Variants in CEP89 observed in about 807,000 individuals in gnomAD.
CEP89 encodes centrosomal protein of 89 kDa.
CEP89 carries 95 observed loss-of-function variants against 97.6 expected under a neutral mutation model. The observed-to-expected ratio is 0.97, with a 90% confidence interval of 0.82 to 1.15. CEP89 has a LOEUF of 1.15. Among genes scored for constraint, CEP89 ranks in the 50% most tolerant of loss-of-function variants. The pLI, the probability that CEP89 is intolerant of heterozygous loss-of-function variation, is 0.00. For synonymous variants in CEP89, 354 were observed against 349.1 expected (o/e 1.01, Z -0.16); for missense variants, 869 against 947.7 (o/e 0.92, Z 1.09).
chr19:32,954,284 C>T (rs1971000275), intron 3 of CEP89, among the ~76,000 whole-genome samples: 1 of 152,174 alleles, frequency 6.6e-6, no homozygotes, highest in Non-Finnish European at 1.5e-5. Context: ...TCTTTGTACA[C>T]TTGGCATATC....
chr19:32,931,221 A>C (rs1970466018), intron 9 of CEP89: 2 of 545,008 alleles, frequency 3.7e-6, no homozygotes, highest in South Asian at 5.8e-5. Context: ...GTATTGTCCC[A>C]ATGTTTTACA....
chr19:32,933,249 C>A (rs1004231734), intron 8 of CEP89, among the ~76,000 whole-genome samples: 2 of 151,996 alleles, frequency 1.3e-5, no homozygotes, highest in African/African-American at 4.8e-5. Flanking sequence ...AGCTTCTTTC[C>A]AACCTGAGGA....
intron 2 of CEP89, among the ~76,000 whole-genome samples, chr19:32,964,683 C>T (rs10401336): frequency 0.29 from 44,420 of 151,954 alleles, 7,480 homozygotes; most frequent in African/African-American, 0.46. Flanking sequence ...TTTTATGTAA[C>T]TCCACTTATA....
Position 32,899,894 on chromosome 19 carries a change from T to C in CEP89, c.1838A>G (p.Glu613Gly), listed in dbSNP as rs1322216553. The change falls in exon 16 of 19, where the codon GAA becomes GGA. Residue 613 changes from glutamate (E) to glycine (G), a missense_variant. Coordinates refer to ENST00000305768, the MANE Select transcript of CEP89 (RefSeq NM_032816.5). ...QYLANLVGLA[E>G]NITQERDSLM... ...ACTGTCACGTTCCTGGGTTATGTTT[T>C]CTGCCAGGCCAACAAGGTTTGCCAG... is the stretch of plus-strand genomic sequence containing the variant. 5 of 1,613,960 alleles carry C rather than the reference T, an allele frequency of 3.1e-6. No homozygotes were observed. The highest frequency in any genetic ancestry group is 4.2e-6 in the Non-Finnish European group (5 of 1,179,960).
intron 11 of CEP89, among the ~76,000 whole-genome samples, chr19:32,923,923 T>C (rs1480207242): frequency 6.6e-6 from 1 of 151,820 alleles, no homozygotes; most frequent in Non-Finnish European, 1.5e-5. Context: ...GTTTTTAATA[T>C]AAAAAATAAG....
chr19:32,966,380 G>A lies in CEP89; in HGVS notation c.126C>T (p.Asn42=). The A allele has an allele frequency of 6.4e-7, 1 of 1,553,758 alleles. No individual in the cohort carries two copies. The highest frequency in any genetic ancestry group is 8.7e-7 in the Non-Finnish European group (1 of 1,146,316). Residue 42 remains asparagine, a synonymous_variant, in exon 2 of 19, where the codon AAC becomes AAT. Coordinates refer to ENST00000305768, the MANE Select transcript of CEP89 (RefSeq NM_032816.5). The part of the protein sequence containing the change: ...VPRTPPPRSP[N]PSPERPRSAL... Reference sequence around the variant, plus strand: ...CTCACCTTGGTCTCTCTGGAGATGGGTTGGGGCTGCGGGGAGGAGGTGTGC... The same window carrying A: ...CTCACCTTGGTCTCTCTGGAGATGGATTGGGGCTGCGGGGAGGAGGTGTGC...
chr19:32,922,753 C>G (rs1293297276), intron 12 of CEP89, among the ~76,000 whole-genome samples: 1 of 151,608 alleles, frequency 6.6e-6, no homozygotes, highest in Non-Finnish European at 1.5e-5. Flanking sequence ...GAGGCTGAGG[C>G]AGGAGAATCG....
At chr19:32,951,534 T>TATATATATATATATATATATATACACAC (rs1407110112) in intron 4 of CEP89, among the ~76,000 whole-genome samples, 2 of 122,038 alleles carry the variant, frequency 1.6e-5, no homozygotes, top group African/African-American at 3.4e-5. Flanking sequence ...TATATATATA[T>TATATATATATATATATATATATACACAC]ACACACACAC....
intron 18 of CEP89, 56 bp from the exon 19 acceptor site, chr19:32,879,434 G>T: frequency 1.4e-6 from 2 of 1,396,030 alleles, no homozygotes; most frequent in Admixed American, 1.7e-5. Context: ...GAGCCCATAT[G>T]AATCCCAAAG....
At chr19:32,971,793 G>T in intron 1 of CEP89, 43 bp downstream of exon 1, 1 of 1,556,008 alleles carries the variant, frequency 6.4e-7, no homozygotes, top group Non-Finnish European at 8.7e-7. Context: ...CCTAATTCCC[G>T]GCCCCACAGA....
At chr19:32,939,921 A>G (rs771843158) in intron 5 of CEP89, 36 bp from the exon 6 acceptor site, 90 of 1,016,808 alleles carry the variant, frequency 8.9e-5, no homozygotes, top group Non-Finnish European at 1.1e-4. Context: ...AAACTTTTAA[A>G]GTAGATAATG....
intron 14 of CEP89, among the ~76,000 whole-genome samples, chr19:32,905,561 G>GTTT (rs1969871333): frequency 6.6e-6 from 1 of 151,770 alleles, no homozygotes; most frequent in Admixed American, 6.6e-5. Context: ...TCTTGAGTCA[G>GTTT]TTTTAAGGTA....
chr19:32,938,464 G>A (rs1301984841), intron 6 of CEP89, among the ~76,000 whole-genome samples: 1 of 152,166 alleles, frequency 6.6e-6, no homozygotes, highest in Non-Finnish European at 1.5e-5. Context: ...AGAGGAAAGG[G>A]AAGGCTGTGA....
rs1279489533 is a variant in CEP89 at position 32,918,229 on chromosome 19, T to C, written c.1379A>G (p.Gln460Arg). 17 of 1,612,480 alleles carry C rather than the reference T, an allele frequency of 1.1e-5. No individual in the cohort carries two copies. The highest frequency in any genetic ancestry group is 1.7e-6 in the Non-Finnish European group (2 of 1,178,610). The change falls in exon 13 of 19, where the codon CAA becomes CGA. Residue 460 changes from glutamine (Q) to arginine (R), a missense_variant. By Grantham distance (43) the Gln-to-Arg change is conservative (BLOSUM62 1). Coordinates refer to ENST00000305768, the MANE Select transcript of CEP89 (RefSeq NM_032816.5). ...KAKDSHQERL[Q>R]EVSKLTKQLM... The stretch of plus-strand genomic sequence containing the variant: ...CCTCACTGGAAGGACCTCACCTTCT[T>C]GGAGGCGCTCCTGGTGGCTGTCCTT...
At chr19:32,917,724 C>CATGGGAAGAG (rs1970157403) in intron 13 of CEP89, 2 of 867,836 alleles carry the variant, frequency 2.3e-6, no homozygotes, top group African/African-American at 1.8e-5. Context: ...TGGGGGAATG[C>CATGGGAAGAG]ATGGGAAGAG....
chr19:32,942,620 G>A (rs528190332), intron 5 of CEP89, among the ~76,000 whole-genome samples: 2 of 152,256 alleles, frequency 1.3e-5, no homozygotes, highest in African/African-American at 4.8e-5. Context: ...CCAAATTCAT[G>A]TTGTATTTAA....
At chr19:32,887,099 G>A (rs1379572768) in intron 17 of CEP89, among the ~76,000 whole-genome samples, 1 of 151,640 alleles carries the variant, frequency 6.6e-6, no homozygotes, top group Non-Finnish European at 1.5e-5. Flanking sequence ...GCTGAGGCAG[G>A]AGGATCCACT....
At chr19:32,886,717 T>C (rs971030925) in intron 17 of CEP89, among the ~76,000 whole-genome samples, 2 of 151,792 alleles carry the variant, frequency 1.3e-5, no homozygotes, top group Admixed American at 6.6e-5. Flanking sequence ...CCTTCTCTTT[T>C]GGAAGTAAAA....
At chr19:32,906,361 A>G (rs1236311669) in intron 14 of CEP89, among the ~76,000 whole-genome samples, 1 of 152,174 alleles carries the variant, frequency 6.6e-6, no homozygotes, top group Non-Finnish European at 1.5e-5. Context: ...AAATTTCATC[A>G]TGCATATTTT....
Sources: allele counts gnomAD v4.1 joint callset (sites outside exome capture counted in the v4.1 genomes callset), GRCh38; gene constraint gnomAD v4.1.1; transcripts MANE v1.5; gene names NCBI Gene and HGNC (gene_info 2026-07-23, HGNC 2026-07-21).